The following CDS2 variants were observed in gnomAD, a reference collection of about 807,000 sequenced individuals.
The protein encoded by CDS2 is phosphatidate cytidylyltransferase 2.
A neutral mutation model predicts 59.0 loss-of-function variants in CDS2; 47 were observed. The ratio of observed to expected loss-of-function variants is 0.80; its 90% confidence interval spans 0.63 to 1.02. The LOEUF (loss-of-function observed/expected upper bound fraction) is 1.02. Among genes scored for constraint, CDS2 ranks in the 50% least tolerant of loss-of-function variants. The pLI is 0.00. For missense variants in CDS2, 356 were observed against 558.9 expected (o/e 0.64, Z 3.66); for synonymous variants, 207 against 206.4 (o/e 1.00, Z -0.02).
chr20:5,178,974 C>T lies in CDS2; in HGVS notation c.529+18C>T. 2 of 1,611,024 alleles carry T rather than the reference C, an allele frequency of 1.2e-6. No individual in the cohort carries two copies. Among genetic ancestry groups the T allele is most frequent in the Non-Finnish European group, 1.7e-6 (2 of 1,177,402 alleles). On this transcript the variant is annotated intron_variant, in intron 5 of 12. Coordinates refer to ENST00000460006, the MANE Select transcript of CDS2 (RefSeq NM_003818.4). The stretch of plus-strand genomic sequence containing the variant: ...TCTAATAGGTATGCATTAAGCAGTT[C>T]ACCATTTCTTGTGTCTGTATTGTTT...
At chr20:5,183,192 G>A (rs146395817) in intron 7 of CDS2, 49 bp downstream of exon 7, 194 of 1,485,418 alleles carry the variant, frequency 1.3e-4, no homozygotes, top group African/African-American at 1.2e-3. Context: ...AGTGTTTCTC[G>A]TGTACAGATA....
At chr20:5,168,088 G>A (rs1002111079) in intron 1 of CDS2, among the ~76,000 whole-genome samples, 8 of 152,050 alleles carry the variant, frequency 5.3e-5, no homozygotes, top group African/African-American at 1.9e-4. Flanking sequence ...TTTCTTTAGT[G>A]TAGTCCAGAG....
At chr20:5,162,224 T>G (rs1797003844) in intron 1 of CDS2, among the ~76,000 whole-genome samples, 2 of 152,226 alleles carry the variant, frequency 1.3e-5, no homozygotes, top group Non-Finnish European at 2.9e-5. Context: ...TTTCAAAATC[T>G]GAAACTTTTT....
chr20:5,163,982 A>G (rs556354699), intron 1 of CDS2, among the ~76,000 whole-genome samples: 16 of 151,380 alleles, frequency 1.1e-4, no homozygotes, highest in South Asian at 4.2e-4. Flanking sequence ...GTAGAGACGG[A>G]GTTTCACCAT....
intron 7 of CDS2, 63 bp downstream of exon 7, chr20:5,183,206 C>T (rs536929097): frequency 1.6e-5 from 22 of 1,378,926 alleles, no homozygotes; most frequent in Middle Eastern, 3.5e-4. Flanking sequence ...ACAGATACCC[C>T]CCTCTAAGCC....
intron 8 of CDS2, among the ~76,000 whole-genome samples, chr20:5,185,154 G>A (rs2091058407): frequency 2.0e-5 from 3 of 152,040 alleles, no homozygotes; most frequent in Admixed American, 2.0e-4. Context: ...GGCGTGGTGG[G>A]TCATGCCTGT....
rs2091132967 is a variant in CDS2 at position 5,193,371 on chromosome 20, A to G, written c.*3137A>G. Reference sequence around the variant, plus strand: ...ACTAGTTTCACATCCTTTGAAACTAATCTCTTTCATTGGGGAGGATACAAC... The same window carrying G: ...ACTAGTTTCACATCCTTTGAAACTAGTCTCTTTCATTGGGGAGGATACAAC... On this transcript the variant is annotated 3_prime_UTR_variant, in exon 13 of 13. Transcript: ENST00000460006. The G allele has an allele frequency of 1.3e-5, 2 of 152,228 alleles. No individual in the cohort carries two copies. The highest frequency in any genetic ancestry group is 6.5e-5 in the Admixed American group (1 of 15,284). The allele number at this position is 152,228 out of a possible 1,614,324, so 9.4% of individuals were successfully genotyped here.
chr20:5,140,738 T>C (rs1292508042), intron 1 of CDS2, among the ~76,000 whole-genome samples: 3 of 152,228 alleles, frequency 2.0e-5, no homozygotes, highest in Non-Finnish European at 2.9e-5. Flanking sequence ...ATTGATAGAA[T>C]GAGGCAGTAA....
intron 4 of CDS2, among the ~76,000 whole-genome samples, chr20:5,178,263 G>T (rs2091008332): frequency 6.6e-6 from 1 of 152,216 alleles, no homozygotes. Context: ...CATATTACTT[G>T]CTATAGAAAT....
At chr20:5,137,251 T>C (rs2090656289) in intron 1 of CDS2, among the ~76,000 whole-genome samples, 1 of 149,880 alleles carries the variant, frequency 6.7e-6, no homozygotes, top group Admixed American at 6.7e-5. Flanking sequence ...TTCTACCCTT[T>C]TTTTTTTTTT....
intron 1 of CDS2, among the ~76,000 whole-genome samples, chr20:5,132,837 A>C (rs976881748): frequency 1.3e-5 from 2 of 152,154 alleles, no homozygotes; most frequent in South Asian, 4.1e-4. Context: ...ATTTTTAAAA[A>C]ATGTTTTGTG....
chr20:5,182,430 AC>A lies in CDS2; in HGVS notation c.574del (p.Leu192CysfsTer11). The A allele has an allele frequency of 6.2e-7, 1 of 1,612,414 alleles. No individual in the cohort carries two copies. The highest frequency in any genetic ancestry group is 8.5e-7 in the Non-Finnish European group (1 of 1,179,180). On this transcript the variant is annotated frameshift_variant, in exon 6 of 13. Coordinates refer to ENST00000460006, the MANE Select transcript of CDS2 (RefSeq NM_003818.4). LOFTEE classifies it high-confidence loss of function. Reference protein sequence around the residue: ...VLSLVKKHYRLQFYMFGWTHV... With the variant: ...VLSLVKKHYRXQFYMFGWTHV... ...TGAGTCTGGTCAAGAAGCATTATCG[AC>A]TGCAGTTCTACATGGTAAAGGAAAT...
chr20:5,174,166 G>T (rs2090976914), intron 2 of CDS2, among the ~76,000 whole-genome samples: 1 of 152,188 alleles, frequency 6.6e-6, no homozygotes, highest in Non-Finnish European at 1.5e-5. Flanking sequence ...TGGCCCTTGA[G>T]AACCTGGTTC....
intron 1 of CDS2, among the ~76,000 whole-genome samples, chr20:5,147,052 A>G (rs994834740): frequency 3.9e-5 from 6 of 152,194 alleles, no homozygotes; most frequent in African/African-American, 1.2e-4. Context: ...GGCCAGAACT[A>G]ATTTGCATGT....
At position 5,173,656 on chromosome 20, in the gene CDS2, C is replaced by A. The variant is rs1323033886; in HGVS notation, c.191C>A (p.Ser64Ter). 1.2e-6 allele frequency: 2 copies of A among 1,613,944 alleles called. No homozygotes were observed. The highest frequency in any genetic ancestry group is 2.2e-5 in the South Asian group (2 of 91,076). ...VLNRALSNLS[S>*]RWKNWWVRGI... Reference sequence around the variant, plus strand: ...AATAGGGCCCTTTCCAACTTGTCTTCAAGGTAACCTGGCTTAATGATGCAG... The same window carrying A: ...AATAGGGCCCTTTCCAACTTGTCTTAAAGGTAACCTGGCTTAATGATGCAG... Residue 64 changes from serine to a stop codon, truncating the protein, a stop_gained, in exon 2 of 13, where the codon TCA becomes TAA. Transcript: ENST00000460006. LOFTEE classifies it high-confidence loss of function.
intron 5 of CDS2, among the ~76,000 whole-genome samples, chr20:5,181,405 C>T (rs973188191): frequency 2.6e-5 from 4 of 152,114 alleles, no homozygotes; most frequent in Non-Finnish European, 4.4e-5. Context: ...GGTCCAGACC[C>T]GGACCCCAAG....
At position 5,149,181 on chromosome 20, in the gene CDS2, C is replaced by T. The variant is rs75159706; in HGVS notation, c.57+22032C>T. Among the ~76,000 whole-genome samples, 5 of 152,234 alleles carry T rather than the reference C, an allele frequency of 3.3e-5. No individual in the cohort carries two copies. The East Asian group carries it at 9.7e-4, about 29-fold the overall frequency. ...TTTGAGTATAGTATACTAGTTTTCT[C>T]CAAACCTGGCCCATCAACCTGATGT... On this transcript the variant is annotated intron_variant, in intron 1 of 12. Transcript: ENST00000460006.
Position 5,189,138 on chromosome 20 carries a change from C to T in CDS2, c.1053C>T (p.Pro351=), listed in dbSNP as rs747821960. ...ALSTFASLIG[P]FGGFFASGFK... Reference sequence around the variant, plus strand: ...CCACCTTTGCCTCGCTCATTGGCCCCTTTGGAGGATTCTTCGCAAGTGGAT... The same window carrying T: ...CCACCTTTGCCTCGCTCATTGGCCCTTTTGGAGGATTCTTCGCAAGTGGAT... Residue 351 remains proline (P), a synonymous_variant, in exon 11 of 13, where the codon CCC becomes CCT. Transcript: ENST00000460006. 6.2e-7 allele frequency: 1 copy of T among 1,614,200 alleles called. No individual in the cohort carries two copies. Among genetic ancestry groups the T allele is most frequent in the Admixed American group, 1.7e-5 (1 of 60,028 alleles).
intron 1 of CDS2, among the ~76,000 whole-genome samples, chr20:5,156,860 A>G (rs1003580897): frequency 2.6e-5 from 4 of 152,206 alleles, no homozygotes; most frequent in African/African-American, 7.2e-5. Context: ...GGGAAAGGTC[A>G]TGCCTTCCTC....
Sources: gnomAD v4.1 joint callset for allele counts (sites outside exome capture counted in the v4.1 genomes callset) on GRCh38, gnomAD v4.1.1 for gene constraint, MANE v1.5 for transcripts, NCBI Gene and HGNC (gene_info 2026-07-23, HGNC 2026-07-21) for gene names.